The following ANKS1A variants were observed in gnomAD, a reference collection of about 807,000 sequenced individuals.
The protein encoded by ANKS1A is ankyrin repeat and SAM domain-containing protein 1A.
A neutral mutation model predicts 120.3 loss-of-function variants in ANKS1A; 55 were observed. The observed-to-expected ratio is 0.46, with a 90% CI of 0.37 to 0.57. The LOEUF is 0.57. ANKS1A is among the 20% of genes least tolerant of loss of function. The pLI, the probability that ANKS1A is intolerant of heterozygous loss-of-function variation, is 0.00. For missense variants in ANKS1A, 1,123 were observed against 1,480.3 expected (o/e 0.76, Z 3.96); for synonymous variants, 590 against 604.7 (o/e 0.98, Z 0.36).
At chr6:35,022,959 G>T (rs945065457) in intron 11 of ANKS1A, among the ~76,000 whole-genome samples, 6 of 152,170 alleles carry the variant, frequency 3.9e-5, no homozygotes, top group African/African-American at 1.4e-4. Context: ...TTAGTTTGTT[G>T]TTGTTGAAAC....
intron 10 of ANKS1A, among the ~76,000 whole-genome samples, chr6:34,995,618 A>G (rs559817237): frequency 2.7e-4 from 41 of 152,248 alleles, no homozygotes; most frequent in Middle Eastern, 6.8e-3. Context: ...GTCTGTCCCA[A>G]TAGTTTTGCC....
intron 11 of ANKS1A, 112 bp from the exon 12 acceptor site, chr6:35,053,987 G>A: frequency 1.2e-6 from 1 of 825,194 alleles, no homozygotes; most frequent in Non-Finnish European, 2.1e-6. Flanking sequence ...TGCTGGTCCT[G>A]GGAAGCATCT....
intron 14 of ANKS1A, 68 bp downstream of exon 14, chr6:35,078,724 A>C (rs1358776481): frequency 1.2e-5 from 17 of 1,451,614 alleles, no homozygotes; most frequent in South Asian, 9.2e-5. Context: ...CACCACCTGC[A>C]CCAAGAACAG....
intron 10 of ANKS1A, among the ~76,000 whole-genome samples, chr6:35,016,197 ATCTTCAGGCTTCTAGGTTGAAGTC>A (rs1773995426): frequency 1.3e-5 from 2 of 152,242 alleles, no homozygotes; most frequent in Non-Finnish European, 2.9e-5. Flanking sequence ...CCAGAGCCAG[ATCTTCAGGCTTCTAGGTTGAAGTC>A]TTCTCCTGCA....
rs1777579559 is a variant in ANKS1A at position 35,079,898 on chromosome 6, C to T, written c.2514C>T (p.Pro838=). ...SLADRPYEEP[P]QKPPRFSQLR... ...CAGACAGACCGTACGAGGAGCCGCC[C>T]CAGAAGCCCCCCAGATTCTCCCAGC... The change falls in exon 16 of 24, where the codon CCC becomes CCT. Residue 838 remains proline (P), a synonymous_variant. Coordinates refer to ENST00000360359, the MANE Select transcript of ANKS1A (RefSeq NM_015245.3). 3 of 1,559,580 alleles carry T rather than the reference C, an allele frequency of 1.9e-6. No individual in the cohort carries two copies. The highest frequency in any genetic ancestry group is 1.4e-5 in the African/African-American group (1 of 73,652).
At chr6:35,045,011 C>A (rs992661807) in intron 11 of ANKS1A, among the ~76,000 whole-genome samples, 2 of 152,094 alleles carry the variant, frequency 1.3e-5, no homozygotes, top group Admixed American at 1.3e-4. Flanking sequence ...CTGCTATGGC[C>A]CTGGGAAATG....
intron 13 of ANKS1A, among the ~76,000 whole-genome samples, chr6:35,077,625 T>A (rs1158880369): frequency 1.3e-5 from 2 of 152,156 alleles, no homozygotes; most frequent in Non-Finnish European, 2.9e-5. Flanking sequence ...TAAAATTAAA[T>A]CTGCTCACAC....
At chr6:34,994,711 T>C (rs1370576566) in intron 10 of ANKS1A, among the ~76,000 whole-genome samples, 1 of 152,198 alleles carries the variant, frequency 6.6e-6, no homozygotes, top group Non-Finnish European at 1.5e-5. Flanking sequence ...ACGGCAGAGA[T>C]TGATTTGGGG....
chr6:35,074,368 G>A (rs1708181838), intron 13 of ANKS1A, among the ~76,000 whole-genome samples: 1 of 152,122 alleles, frequency 6.6e-6, no homozygotes, highest in Non-Finnish European at 1.5e-5. Flanking sequence ...GGGAGGTCGA[G>A]GCAGGAAGAT....
rs1776323924 is a variant in ANKS1A, at chr6:35,058,514, C to A, written c.2078-1633C>A. ...TCCAGAAGGCCGCCGGGTCCCTGAC[C>A]ATCATCTGTTCTGCAGGAGACAGAG... On this transcript the variant is annotated intron_variant, in intron 12 of 23. Transcript: ENST00000360359. This position sits in a 1 kb window ranked among gnomAD's most constrained non-coding sequence, Gnocchi z 5.1. 6.6e-6 allele frequency: 1 copy of A among 152,410 alleles called. No homozygotes were observed. Among genetic ancestry groups the A allele is most frequent in the African/African-American group, 2.4e-5 (1 of 41,572 alleles). The allele number at this position is 152,410 out of a possible 1,614,324, so 9.4% of individuals were successfully genotyped here.
intron 3 of ANKS1A, among the ~76,000 whole-genome samples, chr6:34,975,640 C>T (rs1249288107): frequency 6.6e-6 from 1 of 151,764 alleles, no homozygotes; most frequent in Non-Finnish European, 1.5e-5. Context: ...TGGTACATGC[C>T]TGTATCCCAA....
chr6:34,947,429 G>A (rs1274070132), intron 1 of ANKS1A, among the ~76,000 whole-genome samples: 1 of 152,034 alleles, frequency 6.6e-6, no homozygotes, highest in African/African-American at 2.4e-5. Context: ...TTACAGACGT[G>A]AGCCACCATG....
At position 35,021,994 on chromosome 6, in the gene ANKS1A, A is replaced by AC. The variant is rs1364972444; in HGVS notation, c.2010+3935_2010+3936insC. ...CAGTGAGACTCTGTCTAAAAAAAAAAAAAAACAAAACAGAGCTCTTTGCAG... is the reference window on the plus strand; with the variant it reads ...CAGTGAGACTCTGTCTAAAAAAAAAACAAAAACAAAACAGAGCTCTTTGCAG... On this transcript the variant is annotated intron_variant, in intron 11 of 23. Coordinates refer to ENST00000360359, the MANE Select transcript of ANKS1A (RefSeq NM_015245.3). Among the ~76,000 whole-genome samples, 6 of 151,012 alleles carry AC rather than the reference A, an allele frequency of 4.0e-5. No homozygotes were observed. The East Asian group carries it at 5.8e-4, about 15-fold the overall frequency.
In ANKS1A at chr6:34,889,722, G is replaced by T. The variant is rs1340367172; in HGVS notation, c.197+123G>T. On this transcript the variant is annotated intron_variant, in intron 1 of 23. Transcript: ENST00000360359. This position sits in a 1 kb window ranked among gnomAD's most constrained non-coding sequence, Gnocchi z 5.5. Reference sequence around the variant, plus strand: ...GGGGTGGGCTTGTGGCGTGCCCGGGGCGAGGCAGGCGGCCCGCGGGCCAGG... The same window carrying T: ...GGGGTGGGCTTGTGGCGTGCCCGGGTCGAGGCAGGCGGCCCGCGGGCCAGG... 3 of 1,152,122 alleles carry T rather than the reference G, an allele frequency of 2.6e-6. No individual in the cohort carries two copies. Among genetic ancestry groups the T allele is most frequent in the Non-Finnish European group, 3.2e-6 (3 of 935,422 alleles). 71.4% of individuals were successfully genotyped at this position (1,152,122 alleles called of 1,614,324 possible).
chr6:34,959,872 G>C (rs1227654983), intron 1 of ANKS1A, among the ~76,000 whole-genome samples: 1 of 152,186 alleles, frequency 6.6e-6, no homozygotes, highest in African/African-American at 2.4e-5. Flanking sequence ...CTTAGTTTCT[G>C]ATCACCTCAG....
Position 34,982,053 on chromosome 6 carries a change from C to T in ANKS1A, c.732+67C>T. 3 of 1,564,846 alleles carry T rather than the reference C, an allele frequency of 1.9e-6. No homozygotes were observed. Among genetic ancestry groups the T allele is most frequent in the East Asian group, 2.2e-5 (1 of 44,488 alleles). On this transcript the variant is annotated intron_variant, in intron 4 of 23. Coordinates refer to ENST00000360359, the MANE Select transcript of ANKS1A (RefSeq NM_015245.3). The surrounding 1 kb of genome is among the most constrained non-coding windows in gnomAD (Gnocchi z 4.9). ...AGTCATTTTGCAGAAGGCACAAGGA[C>T]CATGCTGCTGGGCTGTGCTCTTTAT...
intron 23 of ANKS1A, among the ~76,000 whole-genome samples, chr6:35,087,364 G>A (rs1047639714): frequency 6.6e-6 from 1 of 152,192 alleles, no homozygotes; most frequent in Non-Finnish European, 1.5e-5. Flanking sequence ...AAGCCTCCAC[G>A]GGCAGGCACT....
chr6:34,941,351 T>G (rs1264125390), intron 1 of ANKS1A, among the ~76,000 whole-genome samples: 1 of 152,180 alleles, frequency 6.6e-6, no homozygotes, highest in Non-Finnish European at 1.5e-5. Context: ...CATTTTTATT[T>G]TGATGATGTT....
At chr6:34,941,073 C>CTGAGTAGTTGA (rs1432692901) in intron 1 of ANKS1A, among the ~76,000 whole-genome samples, 1 of 151,952 alleles carries the variant, frequency 6.6e-6, no homozygotes, top group Non-Finnish European at 1.5e-5. Context: ...ACTGCAACTC[C>CTGAGTAGTTGA]ACCTCCCGGG....
Sources: allele counts gnomAD v4.1 joint callset (sites outside exome capture counted in the v4.1 genomes callset), GRCh38; gene constraint gnomAD v4.1.1; non-coding constraint Gnocchi (gnomAD v3.1); transcripts MANE v1.5; gene names NCBI Gene and HGNC (gene_info 2026-07-23, HGNC 2026-07-21).